SLC26A3: variants seen among roughly 807,000 people sequenced by gnomAD.
SLC26A3 encodes chloride anion exchanger.
SLC26A3 carries 64 observed loss-of-function variants against 85.6 expected under a neutral mutation model. The observed-to-expected ratio is 0.75, with a 90% confidence interval of 0.61 to 0.92. The LOEUF (loss-of-function observed/expected upper bound fraction) is 0.92, where lower values mean the gene tolerates loss of function less well. SLC26A3 is among the 40% of genes least tolerant of loss of function. The probability of loss-of-function intolerance (pLI) is 0.00; values close to 1 mark genes in which losing one functional copy is unlikely to be tolerated. For missense variants in SLC26A3, 922 were observed against 927.3 expected, an observed-to-expected ratio of 0.99 and a Z score of 0.07; for synonymous variants, 349 against 336.0, an observed-to-expected ratio of 1.04 and a Z score of -0.42.
intron 12 of SLC26A3, among the ~76,000 whole-genome samples, chr7:107,779,383 A>G (rs1794179838): frequency 1.3e-5 from 2 of 152,316 alleles, no homozygotes; most frequent in African/African-American, 4.8e-5. Flanking sequence ...GGTACTTGGG[A>G]TTACTGCAAG....
chr7:107,778,189 C>T lies in SLC26A3; in HGVS notation c.1500G>A (p.Val500=), dbSNP rs1304393380. 6 of 1,612,954 alleles carry T rather than the reference C, an allele frequency of 3.7e-6. No homozygotes were observed. Among genetic ancestry groups the T allele is most frequent in the Non-Finnish European group, 5.1e-6 (6 of 1,179,168 alleles). ...TGAGCACTCACAATTGGGTCCTGAACACGATGGTTAGCAGTTGAAATGCCA... is the reference window on the plus strand; with the variant it reads ...TGAGCACTCACAATTGGGTCCTGAATACGATGGTTAGCAGTTGAAATGCCA... ...ASVAFQLLTI[V]FRTQFPKCST... Residue 500 remains valine (V), a synonymous_variant, in exon 13 of 21, where the codon GTG becomes GTA. Transcript: ENST00000340010.
rs758600112 is a variant in SLC26A3, at chr7:107,791,252, G to A, written c.383-17C>T. The A allele has an allele frequency of 6.2e-7, 1 of 1,612,938 alleles. No individual in the cohort carries two copies. Among genetic ancestry groups the A allele is most frequent in the Non-Finnish European group, 8.5e-7 (1 of 1,178,904 alleles). Reference sequence around the variant, plus strand: ...GAAACGGACCTAATTAACAGTGGGTGAATCGTGGTCAGTATATGCCTCTCT... The same window carrying A: ...GAAACGGACCTAATTAACAGTGGGTAAATCGTGGTCAGTATATGCCTCTCT... On this transcript the variant is annotated splice_polypyrimidine_tract_variant and intron_variant, in intron 4 of 20. Transcript: ENST00000340010.
chr7:107,774,096 T>G lies in SLC26A3; in HGVS notation c.1831A>C (p.Asn611His). 1 of 1,614,168 alleles carries G rather than the reference T, an allele frequency of 6.2e-7. No individual in the cohort carries two copies. The highest frequency in any genetic ancestry group is 8.5e-7 in the Non-Finnish European group (1 of 1,180,022). Reference protein sequence around the residue: ...IKDSDEELDNNQIEVLDQPIN... With the variant: ...IKDSDEELDNHQIEVLDQPIN... ...GGCTGGTCCAGTACTTCTATCTGAT[T>G]GTTGTCCAGCTCTTCGTCAGAATCT... The change falls in exon 17 of 21, where the codon AAT becomes CAT. Residue 611 changes from asparagine to histidine, a missense_variant. Transcript: ENST00000340010.
intron 17 of SLC26A3, among the ~76,000 whole-genome samples, chr7:107,772,816 T>C (rs1794047639): frequency 6.6e-6 from 1 of 151,994 alleles, no homozygotes; most frequent in African/African-American, 2.4e-5. Flanking sequence ...AATCAAAAGC[T>C]AAAATAAACA....
At chr7:107,797,503 A>AGAAAAGAAAC (rs1794527523) in intron 1 of SLC26A3, among the ~76,000 whole-genome samples, 1 of 151,888 alleles carries the variant, frequency 6.6e-6, no homozygotes, top group Admixed American at 6.6e-5. Context: ...CAAAAAATAA[A>AGAAAAGAAAC]GAAAAGAAAA....
In SLC26A3 at chr7:107,774,049, A is replaced by G; in HGVS notation, c.1878T>C (p.Pro626=). ...LDQPINTTDL[P]FHIDWNDDLP... ...GATCATCATTCCAGTCAATGTGGAA[A>G]GGCAGGTCTGTGGTATTGATTGGCT... is the stretch of plus-strand genomic sequence containing the variant. The change falls in exon 17 of 21, where the codon CCT becomes CCC. Residue 626 remains proline, a synonymous_variant. Coordinates refer to ENST00000340010, the MANE Select transcript of SLC26A3 (RefSeq NM_000111.3). 2 of 1,614,138 alleles carry G rather than the reference A, an allele frequency of 1.2e-6. No individual in the cohort carries two copies. The highest frequency in any genetic ancestry group is 1.3e-5 in the African/African-American group (1 of 75,050).
Position 107,791,197 on chromosome 7 carries a change from C to T in SLC26A3, c.421G>A (p.Val141Ile). 1 of 1,614,220 alleles carries T rather than the reference C, an allele frequency of 6.2e-7. No individual in the cohort carries two copies. Among genetic ancestry groups the T allele is most frequent in the Non-Finnish European group, 8.5e-7 (1 of 1,180,044 alleles). ...PILSMMVGLA[V>I]SGAVSKAVPD... ...ACTGCTTTTGAAACTGCTCCTGAAA[C>T]TGCTAGTCCCACCATCATACTCAGA... Residue 141 changes from valine (V) to isoleucine (I), a missense_variant, in exon 5 of 21, where the codon GTT becomes ATT. Coordinates refer to ENST00000340010, the MANE Select transcript of SLC26A3 (RefSeq NM_000111.3).
At chr7:107,772,825 CA>C (rs1006768837) in intron 17 of SLC26A3, among the ~76,000 whole-genome samples, 3 of 151,866 alleles carry the variant, frequency 2.0e-5, no homozygotes, top group Non-Finnish European at 2.9e-5. Flanking sequence ...CTAAAATAAA[CA>C]AAAACCAAAA....
At chr7:107,795,270 T>A (rs960394754) in intron 1 of SLC26A3, among the ~76,000 whole-genome samples, 5 of 152,218 alleles carry the variant, frequency 3.3e-5, no homozygotes, top group African/African-American at 4.8e-5. Context: ...AAGTTTCAGG[T>A]GATTGTGAAG....
chr7:107,778,026 G>A, intron 13 of SLC26A3, 149 bp downstream of exon 13: 1 of 698,818 alleles, frequency 1.4e-6, no homozygotes, highest in Non-Finnish European at 2.6e-6. Flanking sequence ...CTTGAGATGA[G>A]CAACTGGAGG....
intron 6 of SLC26A3, among the ~76,000 whole-genome samples, chr7:107,788,784 C>CTT (rs71861759): frequency 4.7e-4 from 51 of 108,022 alleles, no homozygotes; most frequent in African/African-American, 1.1e-3. Context: ...TTTTTCTTTT[C>CTT]TTTTTTTTTT....
chr7:107,798,900 C>T (rs766024371), intron 1 of SLC26A3, among the ~76,000 whole-genome samples: 19 of 152,156 alleles, frequency 1.2e-4, no homozygotes, highest in Non-Finnish European at 2.4e-4. Context: ...AATACAGCAG[C>T]GTCCTGATAA....
chr7:107,778,291 G>C lies in SLC26A3; in HGVS notation c.1408-10C>G. The stretch of plus-strand genomic sequence containing the variant: ...TCATGATCCAAATTAACTGTGAAAA[G>C]AAAGCAACACATACACTACAATTTA... On this transcript the variant is annotated splice_polypyrimidine_tract_variant and intron_variant, in intron 12 of 20. Coordinates refer to ENST00000340010, the MANE Select transcript of SLC26A3 (RefSeq NM_000111.3). The C allele has an allele frequency of 1.3e-6, 2 of 1,513,738 alleles. No homozygotes were observed. Among genetic ancestry groups the C allele is most frequent in the South Asian group, 1.1e-5 (1 of 88,934 alleles). 93.8% of individuals were successfully genotyped at this position (1,513,738 alleles called of 1,614,324 possible). A position where few individuals can be genotyped will look rare whatever the true frequency, so the allele number is the denominator to read the frequency against.
At chr7:107,798,223 C>A (rs73725107) in intron 1 of SLC26A3, among the ~76,000 whole-genome samples, 2 of 151,378 alleles carry the variant, frequency 1.3e-5, no homozygotes, top group South Asian at 4.1e-4. Context: ...TAGTCATACA[C>A]GTTGTTGTTC....
intron 17 of SLC26A3, among the ~76,000 whole-genome samples, chr7:107,773,386 G>A (rs868000209): frequency 3.3e-5 from 5 of 152,144 alleles, no homozygotes; most frequent in Non-Finnish European, 7.3e-5. Flanking sequence ...TTCAGCATAC[G>A]TTAGAACTGT....
At chr7:107,774,223 T>A in intron 16 of SLC26A3, 70 bp from the exon 17 acceptor site, 2 of 1,235,344 alleles carry the variant, frequency 1.6e-6, no homozygotes, top group Non-Finnish European at 2.4e-6. Flanking sequence ...AGATAGCCAG[T>A]GAGTTTCAGA....
chr7:107,765,758 A>G lies in SLC26A3; in HGVS notation c.*97T>C. 2.2e-6 allele frequency: 2 copies of G among 920,710 alleles called. No homozygotes were observed. The highest frequency in any genetic ancestry group is 3.6e-6 in the Non-Finnish European group (2 of 561,220). 57.0% of individuals were successfully genotyped at this position (920,710 alleles called of 1,614,324 possible). A position where few individuals can be genotyped will look rare whatever the true frequency, so the allele number is the denominator to read the frequency against. ...GTTTGAAACATATTCTGTCAAAAAT[A>G]CTCTTCGTACAATGTATGAACTTAT... On this transcript the variant is annotated 3_prime_UTR_variant, in exon 21 of 21. Transcript: ENST00000340010.
In SLC26A3 at chr7:107,765,782, A is replaced by ATT; in HGVS notation, c.*72_*73insAA. ...TACTCTTCGTACAATGTATGAACTTATCAATAACTTTCTGGGTATAAAGTT... is the reference window on the plus strand; with the variant it reads ...TACTCTTCGTACAATGTATGAACTTATTTCAATAACTTTCTGGGTATAAAGTT... On this transcript the variant is annotated 3_prime_UTR_variant, in exon 21 of 21. Coordinates refer to ENST00000340010, the MANE Select transcript of SLC26A3 (RefSeq NM_000111.3). 1 of 1,102,796 alleles carries ATT rather than the reference A, an allele frequency of 9.1e-7. No homozygotes were observed. The highest frequency in any genetic ancestry group is 1.2e-5 in the South Asian group (1 of 80,234). 68.3% of individuals were successfully genotyped at this position (1,102,796 alleles called of 1,614,324 possible). A position where few individuals can be genotyped will look rare whatever the true frequency, so the allele number is the denominator to read the frequency against.
At chr7:107,780,680 A>C (rs952778191) in intron 11 of SLC26A3, among the ~76,000 whole-genome samples, 2 of 152,174 alleles carry the variant, frequency 1.3e-5, no homozygotes. Context: ...GCCTATTTCT[A>C]ATTTTCACAG....
Sources: allele counts gnomAD v4.1 joint callset (sites outside exome capture counted in the v4.1 genomes callset), GRCh38; gene constraint gnomAD v4.1.1; transcripts MANE v1.5; gene names NCBI Gene and HGNC (gene_info 2026-07-23, HGNC 2026-07-21).